Variants in MMD2 observed in about 807,000 individuals in gnomAD.
MMD2 encodes the protein monocyte to macrophage differentiation factor 2.
Under a neutral mutation model 33.5 loss-of-function variants are expected in MMD2, and 30 were observed. That is an observed-to-expected ratio of 0.90 (90% CI 0.67 to 1.22). The LOEUF (loss-of-function observed/expected upper bound fraction) is 1.22. Among genes scored for constraint, MMD2 ranks in the 50% most tolerant of loss-of-function variants. The pLI, the probability that MMD2 is intolerant of heterozygous loss-of-function variation, is 0.00. For missense variants in MMD2, 364 were observed against 325.4 expected, an observed-to-expected ratio of 1.12 and a Z score of -0.91; for synonymous variants, 129 against 123.0, an observed-to-expected ratio of 1.05 and a Z score of -0.32.
intron 1 of MMD2, among the ~76,000 whole-genome samples, chr7:4,945,186 T>TTCTTCTTCTTCC (rs1421997018): frequency 2.0e-4 from 2 of 10,098 alleles, no homozygotes; most frequent in African/African-American, 2.9e-4. Flanking sequence ...CTCTTCCTCT[T>TTCTTCTTCTTCC]TCTTCTTCTT....
Position 4,940,734 on chromosome 7 carries a change from G to C in MMD2, c.48-15202C>G, listed in dbSNP as rs570615910. On this transcript the variant is annotated intron_variant, in intron 1 of 6. Coordinates refer to ENST00000401401, the MANE Select transcript of MMD2 (RefSeq NM_198403.4). This position sits in a 1 kb window ranked among gnomAD's most constrained non-coding sequence, Gnocchi z 5.0. ...GGGCAGACAGTGATGGGAACAGGAA[G>C]GGGAAACTGAGCAAGGGGTGGAAGG... is the stretch of plus-strand genomic sequence containing the variant. Among the ~76,000 whole-genome samples, 54 of 152,304 alleles carry C rather than the reference G, an allele frequency of 3.5e-4. No individual in the cohort carries two copies. Among genetic ancestry groups the C allele is most frequent in the African/African-American group, 1.2e-3 (51 of 41,574 alleles).
At position 4,920,282 on chromosome 7, in the gene MMD2, G is replaced by A. The variant is rs372536029; in HGVS notation, c.179C>T (p.Ser60Leu). 1.7e-5 allele frequency: 28 copies of A among 1,608,232 alleles called. No homozygotes were observed. The highest frequency in any genetic ancestry group is 3.4e-5 in the Admixed American group (2 of 59,084). Residue 60 changes from serine (S) to leucine (L), a missense_variant, in exon 3 of 7, where the codon TCG (serine) becomes TTG (leucine). Coordinates refer to ENST00000401401, the MANE Select transcript of MMD2 (RefSeq NM_198403.4). The part of the protein sequence containing the change: ...ILGSSNLYFL[S>L]DDDWETISAW... ...AGAGATGGTCTCCCAGTCATCGTCC[G>A]ACAGGAAGTAGAGGTTGGAGCTGCC...
intron 1 of MMD2, among the ~76,000 whole-genome samples, chr7:4,953,301 C>T (rs1229411737): frequency 6.6e-6 from 1 of 151,592 alleles, no homozygotes; most frequent in Non-Finnish European, 1.5e-5. Flanking sequence ...CCAACAGGTG[C>T]ACTTGGCAGC....
chr7:4,902,905 C>T (rs940127840), downstream of MMD2, among the ~76,000 whole-genome samples: 7 of 152,142 alleles, frequency 4.6e-5, no homozygotes, highest in African/African-American at 9.7e-5. Flanking sequence ...GCTCAGGCAT[C>T]GGTAGAAGGA....
At chr7:4,952,655 C>T (rs876408) in intron 1 of MMD2, among the ~76,000 whole-genome samples, 50,663 of 150,254 alleles carry the variant, frequency 0.34, 10,074 homozygotes, top group Non-Finnish European at 0.46. Flanking sequence ...GTGAACTGCA[C>T]ATGTGGGGAT....
In MMD2 at chr7:4,939,010, C is replaced by A. The variant is rs546669089; in HGVS notation, c.48-13478G>T. 2.0e-5 allele frequency among the ~76,000 whole-genome samples: 3 copies of A among 151,418 alleles called. No individual in the cohort carries two copies. In the South Asian group the frequency reaches 6.3e-4, roughly 32 times the overall value. ...ATTACCTGAGGTCGGGAGTTGGAGA[C>A]CAGCCTGGCCAACATGGTGAAACCC... On this transcript the variant is annotated intron_variant, in intron 1 of 6. Transcript: ENST00000401401.
chr7:4,945,511 C>G (rs1460827488), intron 1 of MMD2, among the ~76,000 whole-genome samples: 1 of 151,810 alleles, frequency 6.6e-6, no homozygotes, highest in Non-Finnish European at 1.5e-5. Flanking sequence ...CGTGATCCAC[C>G]TACCTTGGCC....
chr7:4,911,192 C>A lies in MMD2; in HGVS notation c.420G>T (p.Trp140Cys). ...PWASHMRWLV[W>C]IMASVGTIYV... ...AGATGGTGCCCACGGAAGCCATAAT[C>A]CAGACCAGCCAGCGCATGTGGGAGG... The change falls in exon 5 of 7, where the codon TGG (tryptophan) becomes TGT (cysteine). Residue 140 changes from tryptophan to cysteine, a missense_variant. Coordinates refer to ENST00000401401, the MANE Select transcript of MMD2 (RefSeq NM_198403.4). 6.2e-7 allele frequency: 1 copy of A among 1,601,812 alleles called. No homozygotes were observed. Among genetic ancestry groups the A allele is most frequent in the Admixed American group, 1.7e-5 (1 of 58,096 alleles).
intron 1 of MMD2, among the ~76,000 whole-genome samples, chr7:4,944,236 C>T (rs1470853227): frequency 1.3e-5 from 2 of 151,834 alleles, no homozygotes; most frequent in African/African-American, 4.8e-5. Context: ...GATCGAACCA[C>T]CGCACTTCAG....
intron 2 of MMD2, among the ~76,000 whole-genome samples, chr7:4,920,799 C>T (rs1372106414): frequency 1.4e-5 from 2 of 140,960 alleles, no homozygotes. Flanking sequence ...TTCACTACAG[C>T]CTCAACTTCC....
At chr7:4,955,775 G>A (rs949769130) in intron 1 of MMD2, among the ~76,000 whole-genome samples, 16 of 152,120 alleles carry the variant, frequency 1.1e-4, no homozygotes, top group South Asian at 2.1e-4. Flanking sequence ...AAAGCTGGCC[G>A]GGCGTGGTGG....
At position 4,907,462 on chromosome 7, in the gene MMD2, G is replaced by C; in HGVS notation, c.675C>G (p.Thr225=). Residue 225 remains threonine, a synonymous_variant, in exon 7 of 7, where the codon ACC becomes ACG. Coordinates refer to ENST00000401401, the MANE Select transcript of MMD2 (RefSeq NM_198403.4). ...GGTACCTCCAGATGGCATAGTAGTG[G>C]GTACCAGCACCAAATGCTACAAAGA... ...WHLFVAFGAG[T]HYYAIWRYLY... is the part of the protein sequence containing the mutation. 1.9e-6 allele frequency: 3 copies of C among 1,613,996 alleles called. No individual in the cohort carries two copies. Among genetic ancestry groups the C allele is most frequent in the Middle Eastern group, 1.7e-4 (1 of 6,020 alleles).
chr7:4,933,726 A>C (rs1215514265), intron 1 of MMD2, among the ~76,000 whole-genome samples: 1 of 151,530 alleles, frequency 6.6e-6, no homozygotes, highest in Non-Finnish European at 1.5e-5. Context: ...TCGCATTCCG[A>C]GGCCCAATCA....
chr7:4,920,742 C>T (rs922505749), intron 2 of MMD2, among the ~76,000 whole-genome samples: 2 of 115,000 alleles, frequency 1.7e-5, no homozygotes, highest in Admixed American at 2.4e-4. Context: ...CTCTTCCGTC[C>T]TTCCTTGTCT....
intron 1 of MMD2, among the ~76,000 whole-genome samples, chr7:4,948,179 C>T (rs944226207): frequency 2.0e-5 from 3 of 152,124 alleles, no homozygotes; most frequent in African/African-American, 7.2e-5. Flanking sequence ...CAGATCCAAA[C>T]CATATCAAAC....
rs151083104 is a variant in MMD2, at chr7:4,907,239, C to T, written c.*157G>A. ...AATGCTTTCTTTCTCGCTGGGGACT[C>T]GAGGGATGATCTGGCTGTCACCAGA... On this transcript the variant is annotated 3_prime_UTR_variant, in exon 7 of 7. Coordinates refer to ENST00000401401, the MANE Select transcript of MMD2 (RefSeq NM_198403.4). The T allele has an allele frequency of 2.7e-5, 18 of 663,166 alleles. No homozygotes were observed. Among genetic ancestry groups the T allele is most frequent in the Admixed American group, 1.1e-4 (4 of 35,822 alleles). 41.1% of individuals were successfully genotyped at this position (663,166 alleles called of 1,614,324 possible). A position where few individuals can be genotyped will look rare whatever the true frequency, so the allele number is the denominator to read the frequency against.
At chr7:4,952,328 A>G (rs149713930) in intron 1 of MMD2, among the ~76,000 whole-genome samples, 18 of 152,346 alleles carry the variant, frequency 1.2e-4, no homozygotes, top group African/African-American at 4.1e-4. Context: ...CTGAAGATGC[A>G]TTTCTGCACT....
At position 4,942,809 on chromosome 7, in the gene MMD2, G is replaced by A. The variant is rs1447100098; in HGVS notation, c.47+16162C>T. Among the ~76,000 whole-genome samples the A allele has an allele frequency of 4.0e-5, 6 of 151,282 alleles. No individual in the cohort carries two copies. The Admixed American group carries it at 4.0e-4, about 10-fold the overall frequency. Reference sequence around the variant, plus strand: ...TTGTTTGTTTTTTAGTAGAGACAGGGTTTCACCATGTTAGTCAGGCTGGTC... The same window carrying A: ...TTGTTTGTTTTTTAGTAGAGACAGGATTTCACCATGTTAGTCAGGCTGGTC... On this transcript the variant is annotated intron_variant, in intron 1 of 6. Transcript: ENST00000401401.
At chr7:4,954,945 G>A (rs1258462534) in intron 1 of MMD2, among the ~76,000 whole-genome samples, 1 of 152,138 alleles carries the variant, frequency 6.6e-6, no homozygotes, top group Non-Finnish European at 1.5e-5. Context: ...TCTGAATAAT[G>A]AATTGTCTCA....
Sources: gnomAD v4.1 joint callset for allele counts (sites outside exome capture counted in the v4.1 genomes callset) on GRCh38, gnomAD v4.1.1 for gene constraint, Gnocchi (gnomAD v3.1) non-coding constraint, MANE v1.5 for transcripts, NCBI Gene and HGNC (gene_info 2026-07-23, HGNC 2026-07-21) for gene names.